The following KIRREL3 variants were observed in gnomAD, a reference collection of about 807,000 sequenced individuals.
KIRREL3 encodes kin of IRRE-like protein 3.
KIRREL3 carries 36 observed loss-of-function variants against 89.7 expected under a neutral mutation model. The ratio of observed to expected loss-of-function variants is 0.40; its 90% confidence interval spans 0.31 to 0.53. KIRREL3 has a LOEUF of 0.53. Ranked by LOEUF, KIRREL3 falls within the 20% of genes least tolerant of loss-of-function variation. The pLI is 0.49. For synonymous variants in KIRREL3, 445 were observed against 441.4 expected (o/e 1.01, Z -0.10); for missense variants, 864 against 1,056.6 (o/e 0.82, Z 2.53).
intron 1 of KIRREL3, among the ~76,000 whole-genome samples, chr11:126,848,279 C>T (rs74647064): frequency 0.031 from 4,694 of 152,316 alleles, 239 homozygotes; most frequent in African/African-American, 0.11. Flanking sequence ...ATTCTTGCTG[C>T]ACTTTATACA....
chr11:126,917,825 C>T lies in KIRREL3; in HGVS notation c.55+82630G>A, dbSNP rs908161746. Among the ~76,000 whole-genome samples the T allele has an allele frequency of 3.9e-5, 6 of 152,178 alleles. No homozygotes were observed. Among genetic ancestry groups the T allele is most frequent in the Non-Finnish European group, 7.3e-5 (5 of 68,036 alleles). ...GGCATGGACTTTAGAATTGAGGTGG[C>T]GTTTCTGAAGAACGAGATGGTAAAA... On this transcript the variant is annotated intron_variant, in intron 1 of 16. Transcript: ENST00000525144. This position sits in a 1 kb window ranked among gnomAD's most constrained non-coding sequence, Gnocchi z 5.0.
intron 1 of KIRREL3, among the ~76,000 whole-genome samples, chr11:126,959,054 C>T (rs949496722): frequency 1.1e-4 from 16 of 152,212 alleles, no homozygotes; most frequent in African/African-American, 3.9e-4. Flanking sequence ...CTCTCTCTCT[C>T]TCCCCTGAAT....
At chr11:126,503,386 G>C (rs1321983001) in intron 4 of KIRREL3, among the ~76,000 whole-genome samples, 2 of 152,114 alleles carry the variant, frequency 1.3e-5, no homozygotes. Flanking sequence ...CTCTCCCCTA[G>C]ATGCCCCTAG....
chr11:126,502,958 G>A (rs940196775), intron 4 of KIRREL3, among the ~76,000 whole-genome samples: 5 of 152,090 alleles, frequency 3.3e-5, no homozygotes, highest in African/African-American at 9.7e-5. Flanking sequence ...TCAGATAATC[G>A]GCCAAGCTGA....
chr11:126,909,521 G>A lies in KIRREL3; in HGVS notation c.55+90934C>T, dbSNP rs377521869. Reference sequence around the variant, plus strand: ...CTCTGAGGATGAGAGAGTGCTCTGAGTTGAGATACACCGCCCACAATACAC... The same window carrying A: ...CTCTGAGGATGAGAGAGTGCTCTGAATTGAGATACACCGCCCACAATACAC... On this transcript the variant is annotated intron_variant, in intron 1 of 16. Transcript: ENST00000525144. The surrounding 1 kb of genome is among the most constrained non-coding windows in gnomAD (Gnocchi z 4.5). Among the ~76,000 whole-genome samples the A allele has an allele frequency of 3.9e-5, 6 of 152,288 alleles. No homozygotes were observed. The East Asian group carries it at 1.2e-3, about 29-fold the overall frequency.
At position 126,795,919 on chromosome 11, in the gene KIRREL3, T is replaced by C. The variant is rs1359937663; in HGVS notation, c.55+204536A>G. Among the ~76,000 whole-genome samples, 1 of 152,138 alleles carries C rather than the reference T, an allele frequency of 6.6e-6. No individual in the cohort carries two copies. The highest frequency in any genetic ancestry group is 1.5e-5 in the Non-Finnish European group (1 of 68,026). On this transcript the variant is annotated intron_variant, in intron 1 of 16. Transcript: ENST00000525144. The surrounding 1 kb of genome is among the most constrained non-coding windows in gnomAD (Gnocchi z 4.1). ...CGTCCTCACCCTGGGTAAAGGCTCATGCAGGCATTGGGAAAAGCATGAATC... is the reference window on the plus strand; with the variant it reads ...CGTCCTCACCCTGGGTAAAGGCTCACGCAGGCATTGGGAAAAGCATGAATC...
chr11:126,812,654 C>G lies in KIRREL3; in HGVS notation c.55+187801G>C, dbSNP rs931221594. Among the ~76,000 whole-genome samples, 4 of 152,162 alleles carry G rather than the reference C, an allele frequency of 2.6e-5. No individual in the cohort carries two copies. The highest frequency in any genetic ancestry group is 2.0e-4 in the Admixed American group (3 of 15,288). On this transcript the variant is annotated intron_variant, in intron 1 of 16. Transcript: ENST00000525144. This position sits in a 1 kb window ranked among gnomAD's most constrained non-coding sequence, Gnocchi z 5.2. ...TAGTAACTAGATTTTCTTAGTCCGC[C>G]CTGACTTTGGGCCTTTGTCCATACA...
rs1363851898 is a variant in KIRREL3 at position 126,516,153 on chromosome 11, T to C, written c.433+5162A>G. ...TTATCTGTTTTCCTCTCTCAGTATT[T>C]GGGGCTTGACATCATTTAAAAAGAT... On this transcript the variant is annotated intron_variant, in intron 4 of 16. Coordinates refer to ENST00000525144, the MANE Select transcript of KIRREL3 (RefSeq NM_032531.4). The surrounding 1 kb of genome is among the most constrained non-coding windows in gnomAD (Gnocchi z 4.9). 6.6e-6 allele frequency among the ~76,000 whole-genome samples: 1 copy of C among 152,224 alleles called. No individual in the cohort carries two copies. The highest frequency in any genetic ancestry group is 1.5e-5 in the Non-Finnish European group (1 of 68,042).
In KIRREL3 at chr11:126,576,725, T is replaced by G. The variant is rs1179158567; in HGVS notation, c.56-13813A>C. 6.6e-6 allele frequency among the ~76,000 whole-genome samples: 1 copy of G among 152,194 alleles called. No homozygotes were observed. The highest frequency in any genetic ancestry group is 1.5e-5 in the Non-Finnish European group (1 of 68,040). ...GCATGTATGAGTTCATTAATTTGCT[T>G]CCTTTCTTCTCAGGCACTTAGATTT... On this transcript the variant is annotated intron_variant, in intron 1 of 16. Transcript: ENST00000525144. The surrounding 1 kb of genome is among the most constrained non-coding windows in gnomAD (Gnocchi z 5.4).
At chr11:126,698,448 T>C (rs1327355595) in intron 1 of KIRREL3, among the ~76,000 whole-genome samples, 2 of 152,210 alleles carry the variant, frequency 1.3e-5, no homozygotes, top group African/African-American at 4.8e-5. Context: ...ACCTTGGGTG[T>C]TCTCATCTGC....
intron 1 of KIRREL3, among the ~76,000 whole-genome samples, chr11:126,661,408 C>G (rs1034997180): frequency 6.6e-6 from 1 of 152,160 alleles, no homozygotes; most frequent in Middle Eastern, 3.2e-3. Flanking sequence ...CAAATAACGA[C>G]GAGAGATGAA....
In KIRREL3 at chr11:126,562,821, A is replaced by C. The variant is rs369740242; in HGVS notation, c.133+14T>G. On this transcript the variant is annotated intron_variant, in intron 2 of 16. Transcript: ENST00000525144. The surrounding 1 kb of genome is among the most constrained non-coding windows in gnomAD (Gnocchi z 4.7). ...CCAGATTACTCCCGAGACAATGGGG[A>C]GGTTCTCACTGACCTTCATTCATTC... 4 of 1,608,506 alleles carry C rather than the reference A, an allele frequency of 2.5e-6. No homozygotes were observed. The South Asian group carries it at 4.4e-5, about 18-fold the overall frequency.
intron 1 of KIRREL3, among the ~76,000 whole-genome samples, chr11:126,596,281 G>T (rs1025176790): frequency 7.4e-6 from 1 of 135,294 alleles, no homozygotes; most frequent in African/African-American, 2.6e-5. Flanking sequence ...CCTGGCATAT[G>T]GTAGATGTTG....
At chr11:126,762,405 AT>A (rs1373382355) in intron 1 of KIRREL3, among the ~76,000 whole-genome samples, 2 of 152,212 alleles carry the variant, frequency 1.3e-5, no homozygotes, top group African/African-American at 4.8e-5. Context: ...TTTAAAATGC[AT>A]TCTTCTACTC....
chr11:126,984,440 C>A (rs77892647), intron 1 of KIRREL3, among the ~76,000 whole-genome samples: 2,305 of 152,192 alleles, frequency 0.015, 60 homozygotes, highest in East Asian at 0.12. Context: ...GACAGGGGGG[C>A]AGACGGACAC....
At chr11:126,586,682 A>G (rs55646368) in intron 1 of KIRREL3, among the ~76,000 whole-genome samples, 33,985 of 151,992 alleles carry the variant, frequency 0.22, 4,812 homozygotes, top group South Asian at 0.44. Context: ...ATCAAGCCTC[A>G]TCACTTTCTC....
intron 2 of KIRREL3, among the ~76,000 whole-genome samples, chr11:126,547,224 A>G (rs976387196): frequency 6.6e-6 from 1 of 152,230 alleles, no homozygotes; most frequent in Non-Finnish European, 1.5e-5. Context: ...GTCCTGACAC[A>G]TGCTGCAGGA....
At position 126,734,028 on chromosome 11, in the gene KIRREL3, C is replaced by T. The variant is rs894028821; in HGVS notation, c.56-171116G>A. Among the ~76,000 whole-genome samples the T allele has an allele frequency of 2.0e-5, 3 of 152,200 alleles. No individual in the cohort carries two copies. The highest frequency in any genetic ancestry group is 4.1e-4 in the South Asian group (2 of 4,826). ...GCCCAGAAGAGGTCAGCGTCTGCCT[C>T]TCAAGGTGTGGGCTGTCAGCATGAG... On this transcript the variant is annotated intron_variant, in intron 1 of 16. Transcript: ENST00000525144. This position sits in a 1 kb window ranked among gnomAD's most constrained non-coding sequence, Gnocchi z 5.9.
rs564803499 is a variant in KIRREL3 at position 126,530,799 on chromosome 11, C to T, written c.134-4112G>A. Among the ~76,000 whole-genome samples, 9 of 152,198 alleles carry T rather than the reference C, an allele frequency of 5.9e-5. No individual in the cohort carries two copies. Among genetic ancestry groups the T allele is most frequent in the Middle Eastern group, 6.8e-3 (2 of 294 alleles). On this transcript the variant is annotated intron_variant, in intron 2 of 16. Coordinates refer to ENST00000525144, the MANE Select transcript of KIRREL3 (RefSeq NM_032531.4). The surrounding 1 kb of genome is among the most constrained non-coding windows in gnomAD (Gnocchi z 5.8). The stretch of plus-strand genomic sequence containing the variant: ...TCCCCTGGTGTGAAGCCTTGGCGGC[C>T]GGTGCAATCTCCCCTTCCCATACTT...
Sources: gnomAD v4.1 joint callset for allele counts (sites outside exome capture counted in the v4.1 genomes callset) on GRCh38, gnomAD v4.1.1 for gene constraint, Gnocchi (gnomAD v3.1) non-coding constraint, MANE v1.5 for transcripts, NCBI Gene and HGNC (gene_info 2026-07-23, HGNC 2026-07-21) for gene names.